The following SYBU variants were observed in gnomAD, a reference collection of about 807,000 sequenced individuals.
SYBU encodes the protein GOLSYN A protein.
In SYBU, 21 loss-of-function variants were observed where a neutral mutation model predicts 35.9. The ratio of observed to expected loss-of-function variants is 0.58; its 90% confidence interval spans 0.41 to 0.84. The LOEUF is 0.84. SYBU is among the 40% of genes least tolerant of loss of function. SYBU has a pLI of 0.00. For synonymous variants in SYBU, 319 were observed against 324.3 expected (o/e 0.98, Z 0.18); for missense variants, 768 against 848.2 (o/e 0.91, Z 1.17).
At chr8:109,608,161 T>C in intron 3 of SYBU, 3 of 495,272 alleles carry the variant, frequency 6.1e-6, no homozygotes, top group Non-Finnish European at 7.1e-6. Flanking sequence ...GCACAGGGCC[T>C]TCTCCCTGGT....
At chr8:109,616,128 C>A (rs1197392260) in intron 3 of SYBU, among the ~76,000 whole-genome samples, 1 of 150,152 alleles carries the variant, frequency 6.7e-6, no homozygotes, top group Non-Finnish European at 1.5e-5. Context: ...TCTCCTGCCT[C>A]AGCCTCCTGA....
intron 1 of SYBU, among the ~76,000 whole-genome samples, chr8:109,663,266 T>C (rs1218712500): frequency 3.2e-4 from 47 of 147,450 alleles, no homozygotes; most frequent in African/African-American, 1.1e-3. Context: ...TACAGATAGA[T>C]AGATAGATAG....
At chr8:109,639,546 A>C (rs1814616890) in intron 2 of SYBU, among the ~76,000 whole-genome samples, 1 of 152,210 alleles carries the variant, frequency 6.6e-6, no homozygotes, top group Non-Finnish European at 1.5e-5. Context: ...CTTTTACATG[A>C]GTGAATGTGA....
chr8:109,640,136 A>G (rs879644377), intron 2 of SYBU, among the ~76,000 whole-genome samples: 1 of 152,164 alleles, frequency 6.6e-6, no homozygotes, highest in Admixed American at 6.5e-5. Context: ...ACCCATAATT[A>G]TATGCTTCTG....
intron 1 of SYBU, among the ~76,000 whole-genome samples, chr8:109,665,892 AC>A (rs1255451473): frequency 6.6e-6 from 1 of 152,272 alleles, no homozygotes; most frequent in Non-Finnish European, 1.5e-5. Flanking sequence ...TATTTAAAAT[AC>A]AAAGCAGTTT....
At chr8:109,576,621 G>T (rs1231579549) in intron 6 of SYBU, among the ~76,000 whole-genome samples, 1 of 152,094 alleles carries the variant, frequency 6.6e-6, no homozygotes, top group Non-Finnish European at 1.5e-5. Flanking sequence ...GCTACACGTG[G>T]CAGGGACTTT....
At chr8:109,652,432 A>T (rs963962651) in intron 1 of SYBU, among the ~76,000 whole-genome samples, 5 of 150,198 alleles carry the variant, frequency 3.3e-5, no homozygotes, top group African/African-American at 1.2e-4. Flanking sequence ...GCCACCGTCC[A>T]GGCCCCAAGG....
At chr8:109,672,245 G>A (rs1253783923) in intron 1 of SYBU, among the ~76,000 whole-genome samples, 1 of 152,144 alleles carries the variant, frequency 6.6e-6, no homozygotes, top group East Asian at 1.9e-4. Context: ...CTGGCAAGAT[G>A]ACGGAATAGG....
Position 109,579,982 on chromosome 8 carries a change from C to T in SYBU, c.551G>A (p.Ser184Asn). ...SSRNRGPHGR[S>N]NGASSHKPGS... ...AGGCTTGTGTGACGAAGCTCCATTA[C>T]TCCGCCCATGAGGACCTCGACTGGG... is the stretch of plus-strand genomic sequence containing the variant. Residue 184 changes from serine to asparagine, a missense_variant, in exon 5 of 7, where the codon AGT becomes AAT. Coordinates refer to ENST00000276646, the MANE Select transcript of SYBU (RefSeq NM_001099754.2). 6.2e-7 allele frequency: 1 copy of T among 1,613,098 alleles called. No homozygotes were observed. Among genetic ancestry groups the T allele is most frequent in the Non-Finnish European group, 8.5e-7 (1 of 1,180,016 alleles).
At chr8:109,688,164 A>C (rs1360179242) in intron 1 of SYBU, among the ~76,000 whole-genome samples, 1 of 152,184 alleles carries the variant, frequency 6.6e-6, no homozygotes, top group Non-Finnish European at 1.5e-5. Context: ...TATTAGGAGA[A>C]ATGTAACTAA....
At chr8:109,598,112 T>C (rs1825103293) in intron 3 of SYBU, among the ~76,000 whole-genome samples, 1 of 152,214 alleles carries the variant, frequency 6.6e-6, no homozygotes, top group Admixed American at 6.5e-5. Flanking sequence ...GGAATATAGA[T>C]GCTAAAGTTT....
At chr8:109,673,330 G>A (rs1817059739) in intron 1 of SYBU, among the ~76,000 whole-genome samples, 1 of 152,188 alleles carries the variant, frequency 6.6e-6, no homozygotes, top group South Asian at 2.1e-4. Flanking sequence ...AGCTCCCAGG[G>A]GAAGGAACAG....
In SYBU at chr8:109,619,106, G is replaced by T; in HGVS notation, c.230-67C>A. ...AATCAATGATGGTGAGAAGCCATGC[G>T]GTGCACCACACACACGCACACGTGC... On this transcript the variant is annotated intron_variant, in intron 2 of 6. Coordinates refer to ENST00000276646, the MANE Select transcript of SYBU (RefSeq NM_001099754.2). 1.2e-5 allele frequency: 15 copies of T among 1,259,930 alleles called. No homozygotes were observed. The South Asian group carries it at 1.5e-4, about 12-fold the overall frequency. 78.0% of individuals were successfully genotyped at this position (1,259,930 alleles called of 1,614,324 possible). A position where few individuals can be genotyped will look rare whatever the true frequency, so the allele number is the denominator to read the frequency against.
At chr8:109,648,709 T>C (rs1181390938), upstream of SYBU, 2 of 151,932 alleles carry the variant, frequency 1.3e-5, no homozygotes, top group Non-Finnish European at 2.9e-5. Flanking sequence ...GGGGGTTTTC[T>C]TGGGCTCAAT....
chr8:109,687,563 C>T (rs1029620106), intron 1 of SYBU, among the ~76,000 whole-genome samples: 4 of 152,044 alleles, frequency 2.6e-5, no homozygotes, highest in Admixed American at 6.6e-5. Context: ...ATTGATGAGG[C>T]TGAAATGAAA....
chr8:109,673,876 T>C (rs1817081256), intron 1 of SYBU, among the ~76,000 whole-genome samples: 1 of 152,084 alleles, frequency 6.6e-6, no homozygotes, highest in Non-Finnish European at 1.5e-5. Flanking sequence ...CACAAGAACT[T>C]TGTGAAGCAT....
intron 1 of SYBU, among the ~76,000 whole-genome samples, chr8:109,670,356 T>C (rs1816934084): frequency 6.6e-6 from 1 of 151,678 alleles, no homozygotes; most frequent in Non-Finnish European, 1.5e-5. Flanking sequence ...CATTAACTCA[T>C]CATTTACATT....
At chr8:109,593,624 T>C (rs550925305) in intron 3 of SYBU, among the ~76,000 whole-genome samples, 2 of 152,240 alleles carry the variant, frequency 1.3e-5, no homozygotes, top group Non-Finnish European at 2.9e-5. Context: ...CAGTGTGCTG[T>C]TGAACGTGTC....
rs368359388 is a variant in SYBU, at chr8:109,642,733, C to T, written c.224G>A (p.Cys75Tyr). 2 of 1,600,454 alleles carry T rather than the reference C, an allele frequency of 1.2e-6. No individual in the cohort carries two copies. Among genetic ancestry groups the T allele is most frequent in the African/African-American group, 2.7e-5 (2 of 74,470 alleles). ...SARTVSSNSF[C>Y]SDDTGCPSSQ... Reference sequence around the variant, plus strand: ...GCCTCCCGAGGGTACTGTACCTGAGCAGAAGCTGTTGCTGCTAACGGTCCT... The same window carrying T: ...GCCTCCCGAGGGTACTGTACCTGAGTAGAAGCTGTTGCTGCTAACGGTCCT... The change falls in exon 2 of 7, where the codon TGC becomes TAC. Residue 75 changes from cysteine to tyrosine, a missense_variant. Cys to Tyr is a radical substitution (Grantham distance 194). Coordinates refer to ENST00000276646, the MANE Select transcript of SYBU (RefSeq NM_001099754.2).
Sources: allele counts gnomAD v4.1 joint callset (sites outside exome capture counted in the v4.1 genomes callset), GRCh38; gene constraint gnomAD v4.1.1; transcripts MANE v1.5; gene names NCBI Gene and HGNC (gene_info 2026-07-23, HGNC 2026-07-21).